Variants in AUTS2 observed in about 807,000 individuals in gnomAD.
AUTS2 encodes the protein autism susceptibility gene 2 protein.
Under a neutral mutation model 112.4 loss-of-function variants are expected in AUTS2, and 17 were observed. The ratio of observed to expected loss-of-function variants is 0.15; its 90% confidence interval spans 0.10 to 0.23. The LOEUF (loss-of-function observed/expected upper bound fraction) is 0.23. Among genes scored for constraint, AUTS2 ranks in the 10% least tolerant of loss-of-function variants. The pLI is 1.00. For missense variants in AUTS2, 1,510 were observed against 1,701.6 expected (o/e 0.89, Z 1.98); for synonymous variants, 751 against 702.7 (o/e 1.07, Z -1.09).
At chr7:70,146,390 A>G (rs1397474699) in intron 4 of AUTS2, among the ~76,000 whole-genome samples, 1 of 152,048 alleles carries the variant, frequency 6.6e-6, no homozygotes, top group African/African-American at 2.4e-5. Context: ...TTTAATTAAC[A>G]TGGATCTTAT....
chr7:69,786,250 G>A (rs910030473), intron 1 of AUTS2, among the ~76,000 whole-genome samples: 1 of 152,220 alleles, frequency 6.6e-6, no homozygotes, highest in African/African-American at 2.4e-5. Context: ...CTAAAGGATT[G>A]TAAATGCACC....
intron 1 of AUTS2, among the ~76,000 whole-genome samples, chr7:69,795,402 A>AGG (rs1396156301): frequency 1.3e-5 from 2 of 152,176 alleles, no homozygotes; most frequent in African/African-American, 4.8e-5. Flanking sequence ...TCTTGTAGCC[A>AGG]GGCGGAGTGG....
chr7:70,606,736 C>T (rs1337797397), intron 5 of AUTS2, among the ~76,000 whole-genome samples: 2 of 151,906 alleles, frequency 1.3e-5, no homozygotes, highest in African/African-American at 4.8e-5. Context: ...GTGATGCACA[C>T]TTGTAATCCC....
Position 70,768,499 on chromosome 7 carries a change from A to C in AUTS2, c.1734+431A>C, listed in dbSNP as rs375550502. ...TCTTTTTGACTCATGACTCTTCAAC[A>C]AGTAGATTTTCATTTGCTCTAGACT... On this transcript the variant is annotated intron_variant, in intron 10 of 18. Coordinates refer to ENST00000342771, the MANE Select transcript of AUTS2 (RefSeq NM_015570.4). Among the ~76,000 whole-genome samples, 32 of 152,296 alleles carry C rather than the reference A, an allele frequency of 2.1e-4. 2 individuals are homozygous for C. Among genetic ancestry groups the C allele is most frequent in the African/African-American group, 7.7e-4 (32 of 41,570 alleles).
Position 70,148,318 on chromosome 7 carries a change from T to C in AUTS2, c.660+13747T>C, listed in dbSNP as rs189213447. Among the ~76,000 whole-genome samples the C allele has an allele frequency of 3.6e-4, 55 of 152,282 alleles. 2 individuals are homozygous for C. The East Asian group carries it at 9.4e-3, about 26-fold the overall frequency. On this transcript the variant is annotated intron_variant, in intron 4 of 18. Coordinates refer to ENST00000342771, the MANE Select transcript of AUTS2 (RefSeq NM_015570.4). ...ATAAAATCAGAATTGTTATGAGTTA[T>C]AAATAGCTTAAGAAAAAAGAGAGCT... is the stretch of plus-strand genomic sequence containing the variant.
chr7:70,208,682 A>G (rs1451171886), intron 4 of AUTS2, among the ~76,000 whole-genome samples: 1 of 152,042 alleles, frequency 6.6e-6, no homozygotes, highest in African/African-American at 2.4e-5. Flanking sequence ...TTGTGAGGCT[A>G]TGGAGAAGAT....
At chr7:69,936,568 C>T (rs1391209362) in intron 2 of AUTS2, among the ~76,000 whole-genome samples, 2 of 152,140 alleles carry the variant, frequency 1.3e-5, no homozygotes, top group African/African-American at 4.8e-5. Context: ...CCAGGATGGT[C>T]TCGATCTCCT....
At chr7:69,764,658 A>G (rs1273011328) in intron 1 of AUTS2, among the ~76,000 whole-genome samples, 1 of 152,206 alleles carries the variant, frequency 6.6e-6, no homozygotes, top group East Asian at 1.9e-4. Context: ...TTTTTAAGGT[A>G]GGAGCTTTGA....
intron 1 of AUTS2, among the ~76,000 whole-genome samples, chr7:69,719,996 G>A (rs1051286276): frequency 2.0e-5 from 3 of 152,186 alleles, no homozygotes; most frequent in African/African-American, 7.2e-5. Flanking sequence ...TGGTTGGATG[G>A]AATCCAATTA....
chr7:69,648,511 G>A (rs2851505), intron 1 of AUTS2, among the ~76,000 whole-genome samples: 93,037 of 151,100 alleles, frequency 0.62, 28,952 homozygotes, highest in East Asian at 0.71. Context: ...TTTTACTTTG[G>A]AGTGGGATGG....
chr7:70,508,619 G>A (rs1192374380), intron 5 of AUTS2, among the ~76,000 whole-genome samples: 2 of 152,168 alleles, frequency 1.3e-5, no homozygotes, highest in East Asian at 1.9e-4. Flanking sequence ...ATATGAGTGG[G>A]GAGAGTGTCT....
At chr7:70,219,151 C>G (rs115083665) in intron 4 of AUTS2, among the ~76,000 whole-genome samples, 2 of 152,110 alleles carry the variant, frequency 1.3e-5, no homozygotes, top group African/African-American at 4.8e-5. Flanking sequence ...GTATGATGGG[C>G]AAATTGTCAG....
In AUTS2 at chr7:70,148,017, A is replaced by C. The variant is rs1298290832; in HGVS notation, c.660+13446A>C. 2.0e-5 allele frequency among the ~76,000 whole-genome samples: 3 copies of C among 152,106 alleles called. No individual in the cohort carries two copies. In the East Asian group the frequency reaches 5.8e-4, roughly 29 times the overall value. Reference sequence around the variant, plus strand: ...GATTCTGTAAACCAGCTACCAGGCTAGTTTTTCTGGGAGGATTGGTACTTT... The same window carrying C: ...GATTCTGTAAACCAGCTACCAGGCTCGTTTTTCTGGGAGGATTGGTACTTT... On this transcript the variant is annotated intron_variant, in intron 4 of 18. Coordinates refer to ENST00000342771, the MANE Select transcript of AUTS2 (RefSeq NM_015570.4).
At chr7:70,757,933 C>A (rs886116005) in intron 6 of AUTS2, among the ~76,000 whole-genome samples, 5 of 149,776 alleles carry the variant, frequency 3.3e-5, no homozygotes, top group Non-Finnish European at 5.9e-5. Flanking sequence ...AGGCAGACAC[C>A]ACCACACCTG....
At chr7:69,959,615 C>G (rs916350240) in intron 2 of AUTS2, among the ~76,000 whole-genome samples, 4 of 152,142 alleles carry the variant, frequency 2.6e-5, no homozygotes, top group Non-Finnish European at 4.4e-5. Context: ...CCACATCATA[C>G]TGTCACTGCA....
intron 2 of AUTS2, among the ~76,000 whole-genome samples, chr7:69,985,021 C>T (rs1798447442): frequency 6.6e-6 from 1 of 152,046 alleles, no homozygotes; most frequent in Admixed American, 6.6e-5. Context: ...TAAAATAAAG[C>T]TGTTCTTTCA....
At chr7:70,424,223 C>T (rs998729324) in intron 4 of AUTS2, among the ~76,000 whole-genome samples, 3 of 152,192 alleles carry the variant, frequency 2.0e-5, no homozygotes, top group South Asian at 2.1e-4. Context: ...AGGGACTGTG[C>T]TCAGTCCCTC....
At chr7:70,159,030 G>A (rs887477552) in intron 4 of AUTS2, among the ~76,000 whole-genome samples, 3 of 151,904 alleles carry the variant, frequency 2.0e-5, no homozygotes, top group Non-Finnish European at 4.4e-5. Flanking sequence ...TTTATTTATT[G>A]CCCTGCTTTC....
rs576404849 is a variant in AUTS2, at chr7:70,009,302, C to T, written c.523-108830C>T. ...CACGATCTAATCACCTCCTGTTTGG[C>T]CCTACTTCCCAATAGTGTTGCATTG... On this transcript the variant is annotated intron_variant, in intron 2 of 18. Coordinates refer to ENST00000342771, the MANE Select transcript of AUTS2 (RefSeq NM_015570.4). Among the ~76,000 whole-genome samples, 3 of 152,298 alleles carry T rather than the reference C, an allele frequency of 2.0e-5. No individual in the cohort carries two copies. The East Asian group carries it at 5.8e-4, about 29-fold the overall frequency.
Sources: allele counts gnomAD v4.1 joint callset (sites outside exome capture counted in the v4.1 genomes callset), GRCh38; gene constraint gnomAD v4.1.1; transcripts MANE v1.5; gene names NCBI Gene and HGNC (gene_info 2026-07-23, HGNC 2026-07-21).